Variants in GRIP2 observed in about 807,000 individuals in gnomAD.
The protein encoded by GRIP2 is glutamate receptor interacting protein 2, also known as glutamate receptor-interacting protein 2.
In GRIP2, 58 loss-of-function variants were observed where a neutral mutation model predicts 108.3. The ratio of observed to expected loss-of-function variants is 0.54; its 90% confidence interval spans 0.43 to 0.67. The LOEUF (loss-of-function observed/expected upper bound fraction) is 0.67. GRIP2 is among the 30% of genes least tolerant of loss of function. The pLI is 0.00. For synonymous variants in GRIP2, 586 were observed against 598.2 expected (o/e 0.98, Z 0.30); for missense variants, 1,278 against 1,430.6 (o/e 0.89, Z 1.72).
chr3:14,574,601 T>C, the GRIP2 span: 1 of 693,728 alleles, frequency 1.4e-6, no homozygotes, highest in Admixed American at 2.0e-5. Flanking sequence ...TGGACAGCTC[T>C]TCATGGAGGA....
chr3:14,503,622 C>T lies in GRIP2; in HGVS notation c.2623G>A (p.Glu875Lys), dbSNP rs1693830031. ...REEGFWRMFG[E>K]ALEDLESCGQ... Reference sequence around the variant, plus strand: ...CATGACTCCAGGTCTTCGAGAGCTTCTCCAAACATGCGCCAGAAGCCCTCC... The same window carrying T: ...CATGACTCCAGGTCTTCGAGAGCTTTTCCAAACATGCGCCAGAAGCCCTCC... Residue 875 changes from glutamate (E) to lysine (K), a missense_variant, in exon 21 of 24, where the codon GAA (glutamate) becomes AAA (lysine). Physicochemically the swap from Glu to Lys is moderately conservative, Grantham distance 56. Transcript: ENST00000621039. 1 of 1,611,304 alleles carries T rather than the reference C, an allele frequency of 6.2e-7. No individual in the cohort carries two copies. The highest frequency in any genetic ancestry group is 1.3e-5 in the African/African-American group (1 of 74,858).
chr3:14,573,088 T>A, the GRIP2 span: 2 of 1,402,672 alleles, frequency 1.4e-6, no homozygotes, highest in Non-Finnish European at 2.0e-6. Context: ...AGGCCACTGA[T>A]GAACCCCGAA....
chr3:14,549,671 G>A (rs530735998), intron 1 of GRIP2, among the ~76,000 whole-genome samples: 184 of 152,250 alleles, frequency 1.2e-3, no homozygotes, highest in Non-Finnish European at 1.9e-3. Context: ...TGACAATCCC[G>A]GCTGGCCCCC....
chr3:14,602,105 G>A, the GRIP2 span: 2 of 152,262 alleles, frequency 1.3e-5, no homozygotes, highest in Admixed American at 1.3e-4. This position sits in a 1 kb window ranked among gnomAD's most constrained non-coding sequence, Gnocchi z 4.7. Flanking sequence ...AGTGAGCAGC[G>A]GGTGAGCAGC....
chr3:14,546,879 C>T (rs1001008833), upstream of GRIP2, among the ~76,000 whole-genome samples: 12 of 152,162 alleles, frequency 7.9e-5, no homozygotes, highest in African/African-American at 2.9e-4. Context: ...ACTGAGGCAG[C>T]CACAGTGGCA....
At chr3:14,567,598 A>G in the GRIP2 span, among the ~76,000 whole-genome samples, 2 of 152,222 alleles carry the variant, frequency 1.3e-5, no homozygotes, top group African/African-American at 4.8e-5. Context: ...CTAGTCCTCA[A>G]ACAAGGATTT....
At chr3:14,538,684 G>C (rs1166072847) in intron 1 of GRIP2, among the ~76,000 whole-genome samples, 1 of 152,208 alleles carries the variant, frequency 6.6e-6, no homozygotes, top group Non-Finnish European at 1.5e-5. Flanking sequence ...CAGTGGTGAG[G>C]GTAGAGGTCA....
chr3:14,582,184 T>A, the GRIP2 span, among the ~76,000 whole-genome samples: 1 of 152,234 alleles, frequency 6.6e-6, no homozygotes, highest in Non-Finnish European at 1.5e-5. Flanking sequence ...CTTGGCATTG[T>A]CAAAGTTTCT....
chr3:14,569,817 T>C, the GRIP2 span, among the ~76,000 whole-genome samples: 3 of 152,154 alleles, frequency 2.0e-5, no homozygotes, highest in South Asian at 2.1e-4. Context: ...GGACCACCAC[T>C]TGCCAAGGGG....
chr3:14,562,150 G>C, the GRIP2 span, among the ~76,000 whole-genome samples: 2 of 152,210 alleles, frequency 1.3e-5, no homozygotes, highest in African/African-American at 2.4e-5. Context: ...CAAAGGGGCT[G>C]GTCCCCCCAG....
upstream of GRIP2, chr3:14,541,917 G>T: frequency 7.4e-7 from 1 of 1,343,958 alleles, no homozygotes; most frequent in Non-Finnish European, 9.9e-7. Context: ...GGAGAGGCTC[G>T]CCATGAAGAC....
the GRIP2 span, chr3:14,602,314 T>G: frequency 0.02 from 2 of 100 alleles, no homozygotes; most frequent in African/African-American, 0.1. The surrounding 1 kb of genome is among the most constrained non-coding windows in gnomAD (Gnocchi z 4.7). Context: ...AGCGCTGCTG[T>G]GCAGGGGCAG....
At chr3:14,600,724 C>T in the GRIP2 span, among the ~76,000 whole-genome samples, 1 of 152,196 alleles carries the variant, frequency 6.6e-6, no homozygotes, top group East Asian at 1.9e-4. Flanking sequence ...GACTAATTTT[C>T]CTGTGGCCCA....
the GRIP2 span, among the ~76,000 whole-genome samples, chr3:14,581,417 C>G: frequency 6.6e-6 from 1 of 152,114 alleles, no homozygotes; most frequent in African/African-American, 2.4e-5. Flanking sequence ...AGGGGGTCTC[C>G]CTCCCCAACC....
the GRIP2 span, among the ~76,000 whole-genome samples, chr3:14,588,739 T>A: frequency 2.0e-5 from 3 of 152,198 alleles, no homozygotes; most frequent in Non-Finnish European, 2.9e-5. Flanking sequence ...TTTTTCACCC[T>A]AGAAAAATTA....
chr3:14,503,501 T>G, intron 21 of GRIP2, 65 bp downstream of exon 21: 1 of 1,132,138 alleles, frequency 8.8e-7, no homozygotes, highest in African/African-American at 1.5e-5. Flanking sequence ...TTCCTCCCAT[T>G]GCACACACAC....
At chr3:14,567,959 A>G in the GRIP2 span, among the ~76,000 whole-genome samples, 6 of 152,238 alleles carry the variant, frequency 3.9e-5, no homozygotes, top group Admixed American at 2.6e-4. Flanking sequence ...ATGCCCAACC[A>G]TGCAGATTGC....
rs1693967007 is a variant in GRIP2, at chr3:14,507,616, G to A, written c.2163C>T (p.His721=). Residue 721 remains histidine (H), a synonymous_variant, in exon 18 of 24, where the codon CAC becomes CAT. Transcript: ENST00000621039. This position sits in a 1 kb window ranked among gnomAD's most constrained non-coding sequence, Gnocchi z 4.6. ...CGGTCTCTCCAGCCACCTGCAGGAGGTGGATGGCCTCGCTCAGCGGCCGGC... is the reference window on the plus strand; with the variant it reads ...CGGTCTCTCCAGCCACCTGCAGGAGATGGATGGCCTCGCTCAGCGGCCGGC... ...LKGRPLSEAI[H]LLQVAGETVT... is the part of the protein sequence containing the mutation. 6.2e-7 allele frequency: 1 copy of A among 1,614,038 alleles called. No homozygotes were observed. Among genetic ancestry groups the A allele is most frequent in the South Asian group, 1.1e-5 (1 of 91,084 alleles).
the GRIP2 span, chr3:14,573,759 C>T: frequency 3.9e-6 from 6 of 1,532,772 alleles, no homozygotes; most frequent in African/African-American, 8.2e-5. Flanking sequence ...ATCATATACC[C>T]TGGGATCCTG....
Sources: gnomAD v4.1 joint callset for allele counts (sites outside exome capture counted in the v4.1 genomes callset) on GRCh38, gnomAD v4.1.1 for gene constraint, Gnocchi (gnomAD v3.1) non-coding constraint, MANE v1.5 for transcripts, NCBI Gene and HGNC (gene_info 2026-07-23, HGNC 2026-07-21) for gene names.